The following TENM2 variants were observed in gnomAD, a reference collection of about 807,000 sequenced individuals.
TENM2 encodes teneurin transmembrane protein 2.
A neutral mutation model predicts 245.2 loss-of-function variants in TENM2; 52 were observed. The observed-to-expected ratio is 0.21, with a 90% CI of 0.17 to 0.27. The LOEUF is 0.27. Ranked by LOEUF, TENM2 falls within the 10% of genes least tolerant of loss-of-function variation. The pLI, the probability that TENM2 is intolerant of heterozygous loss-of-function variation, is 1.00. For synonymous variants in TENM2, 1,363 were observed against 1,438.9 expected, an observed-to-expected ratio of 0.95 and a Z score of 1.19; for missense variants, 3,046 against 3,666.8, an observed-to-expected ratio of 0.83 and a Z score of 4.37.
At chr5:167,490,759 G>C in intron 2 of TENM2, among the ~76,000 whole-genome samples, 1 of 152,100 alleles carries the variant, frequency 6.6e-6, no homozygotes, top group East Asian at 1.9e-4. Context: ...TTAAATTCAA[G>C]TTATTTATTG....
At chr5:168,174,452 GGTTC>G (rs1759151027) in intron 13 of TENM2, among the ~76,000 whole-genome samples, 1 of 152,258 alleles carries the variant, frequency 6.6e-6, no homozygotes, top group South Asian at 2.1e-4. Flanking sequence ...TCAGCACAAC[GGTTC>G]GTATACATCT....
At chr5:167,128,612 A>G in the TENM2 span, among the ~76,000 whole-genome samples, 1 of 151,522 alleles carries the variant, frequency 6.6e-6, no homozygotes, top group Non-Finnish European at 1.5e-5. Flanking sequence ...CCAAAGCTCT[A>G]CTTATGGACA....
At position 167,962,900 on chromosome 5, in the gene TENM2, AC is replaced by A. The variant is rs1781120465; in HGVS notation, c.947+10080del. 2.0e-5 allele frequency among the ~76,000 whole-genome samples: 3 copies of A among 152,040 alleles called. No homozygotes were observed. In the South Asian group the frequency reaches 6.2e-4, roughly 32 times the overall value. On this transcript the variant is annotated intron_variant, in intron 4 of 28. Coordinates refer to ENST00000518659, the Ensembl canonical transcript of TENM2. ...GAGATTTGGGTAGGGACACAACCAA[AC>A]CGCATTGTTATTAGTTCAGTCTCTT...
chr5:167,257,821 A>C, the TENM2 span, among the ~76,000 whole-genome samples: 10 of 152,278 alleles, frequency 6.6e-5, no homozygotes, highest in East Asian at 1.9e-3. Flanking sequence ...AGTGATTAAA[A>C]TATGTCAAGA....
chr5:167,376,249 A>AT (rs931210865), intron 2 of TENM2, among the ~76,000 whole-genome samples: 6 of 152,182 alleles, frequency 3.9e-5, no homozygotes, highest in African/African-American at 1.4e-4. Context: ...AGTCAAAAAC[A>AT]TTTTTTTAAA....
rs543219683 is a variant in TENM2, at chr5:167,896,156, T to C, written c.712+19961T>C. Reference sequence around the variant, plus strand: ...TCCCCACCTGGGCTAGAGCTGGGACTGGGGAAAGCCTTCCCACAGAGATGG... The same window carrying C: ...TCCCCACCTGGGCTAGAGCTGGGACCGGGGAAAGCCTTCCCACAGAGATGG... On this transcript the variant is annotated intron_variant, in intron 3 of 28. Transcript: ENST00000518659. 3.9e-5 allele frequency among the ~76,000 whole-genome samples: 6 copies of C among 152,346 alleles called. No individual in the cohort carries two copies. The South Asian group carries it at 1.2e-3, about 32-fold the overall frequency.
chr5:167,264,102 T>C, the TENM2 span, among the ~76,000 whole-genome samples: 15 of 134,812 alleles, frequency 1.1e-4, no homozygotes, highest in Non-Finnish European at 7.8e-5. Flanking sequence ...CGAAACTCTG[T>C]CTCAAAAAAA....
At chr5:167,131,478 A>G in the TENM2 span, among the ~76,000 whole-genome samples, 1 of 152,054 alleles carries the variant, frequency 6.6e-6, no homozygotes, top group South Asian at 2.1e-4. Context: ...CATGTCTCAG[A>G]TTCCACTGGG....
chr5:167,902,654 C>G (rs1404380349), intron 3 of TENM2, among the ~76,000 whole-genome samples: 1 of 152,148 alleles, frequency 6.6e-6, no homozygotes, highest in Admixed American at 6.5e-5. Context: ...AGTGTTATGG[C>G]AGCCGACTCA....
chr5:167,188,196 G>T, the TENM2 span, among the ~76,000 whole-genome samples: 1 of 152,112 alleles, frequency 6.6e-6, no homozygotes, highest in African/African-American at 2.4e-5. Flanking sequence ...ACATAATTCA[G>T]GATAATTGGC....
chr5:167,838,197 G>A (rs1026004158), intron 2 of TENM2, among the ~76,000 whole-genome samples: 3 of 152,250 alleles, frequency 2.0e-5, no homozygotes, highest in Non-Finnish European at 2.9e-5. Context: ...ATGGTCGGCA[G>A]TGAATATCTG....
At chr5:167,445,311 TTATATATATA>T (rs755614167) in intron 2 of TENM2, among the ~76,000 whole-genome samples, 53 of 69,956 alleles carry the variant, frequency 7.6e-4, no homozygotes, top group Non-Finnish European at 9.5e-4. Context: ...AACCATATGA[TTATATATATA>T]TATATATATA....
At chr5:167,805,110 G>C (rs1766057855) in intron 2 of TENM2, among the ~76,000 whole-genome samples, 1 of 152,122 alleles carries the variant, frequency 6.6e-6, no homozygotes, top group Non-Finnish European at 1.5e-5. Flanking sequence ...CTTGGAATAG[G>C]TCATGATTAT....
intron 9 of TENM2, among the ~76,000 whole-genome samples, chr5:168,112,973 C>T (rs944321327): frequency 6.6e-6 from 1 of 152,206 alleles, no homozygotes; most frequent in African/African-American, 2.4e-5. Flanking sequence ...GACGATTTGC[C>T]TGGAGTACTA....
chr5:168,105,588 A>C (rs1476465244), intron 9 of TENM2, among the ~76,000 whole-genome samples: 1 of 152,240 alleles, frequency 6.6e-6, no homozygotes, highest in African/African-American at 2.4e-5. Context: ...ATCAATGAAC[A>C]TAGCCAATTA....
At chr5:167,806,694 C>T (rs1201470567) in intron 2 of TENM2, among the ~76,000 whole-genome samples, 1 of 152,126 alleles carries the variant, frequency 6.6e-6, no homozygotes, top group East Asian at 1.9e-4. Flanking sequence ...AGATCACTCT[C>T]ATTTTTTATA....
intron 4 of TENM2, among the ~76,000 whole-genome samples, chr5:167,974,001 AAGGGAGGGAGGG>A (rs745782174): frequency 3.1e-5 from 3 of 95,552 alleles, no homozygotes; most frequent in African/African-American, 1.1e-4. Context: ...GGAAGGGAGA[AAGGGAGGGAGGG>A]AGGGAGGGAG....
intron 2 of TENM2, among the ~76,000 whole-genome samples, chr5:167,616,258 A>T (rs771903766): frequency 1.3e-5 from 2 of 152,156 alleles, no homozygotes; most frequent in Non-Finnish European, 2.9e-5. Flanking sequence ...GGTGGAAATC[A>T]AATGAAAACA....
intron 1 of TENM2, among the ~76,000 whole-genome samples, chr5:167,340,056 C>G (rs1463065846): frequency 6.6e-6 from 1 of 152,224 alleles, no homozygotes; most frequent in African/African-American, 2.4e-5. Context: ...ATTTTCTCAG[C>G]CAAATACTCA....
Sources: gnomAD v4.1 joint callset for allele counts (sites outside exome capture counted in the v4.1 genomes callset) on GRCh38, gnomAD v4.1.1 for gene constraint, MANE v1.5 for transcripts, NCBI Gene and HGNC (gene_info 2026-07-23, HGNC 2026-07-21) for gene names.